The following FAM227A variants were observed in gnomAD, a reference collection of about 807,000 sequenced individuals.
FAM227A encodes protein FAM227A.
Under a neutral mutation model 74.7 loss-of-function variants are expected in FAM227A, and 80 were observed. The observed-to-expected ratio is 1.07, with a 90% CI of 0.89 to 1.29. The LOEUF is 1.29. FAM227A is among the 50% of genes most tolerant of loss of function. The pLI is 0.00. For missense variants in FAM227A, 654 were observed against 683.4 expected (o/e 0.96, Z 0.48); for synonymous variants, 237 against 241.8 (o/e 0.98, Z 0.19).
rs1474785388 is a variant in FAM227A, at chr22:38,623,192, T to C, written c.938A>G (p.Tyr313Cys). The C allele has an allele frequency of 3.2e-6, 5 of 1,551,420 alleles. No homozygotes were observed. Among genetic ancestry groups the C allele is most frequent in the Non-Finnish European group, 3.5e-6 (4 of 1,146,700 alleles). The change falls in exon 10 of 17, where the codon TAC becomes TGC. Residue 313 changes from tyrosine to cysteine, a missense_variant. By Grantham distance (194) the Tyr-to-Cys change is radical. Transcript: ENST00000535113. ...CTTACCCTTTGTCAGTCTTCTTCTG[T>C]ACAACATTAATTCTTCTCTGCGGAA... ...ERFRREELML[Y>C]RRRLTKGREF...
intron 16 of FAM227A, among the ~76,000 whole-genome samples, chr22:38,588,379 G>A (rs1379691672): frequency 6.6e-6 from 1 of 152,048 alleles, no homozygotes; most frequent in African/African-American, 2.4e-5. Context: ...AGGACTTTGG[G>A]GGGCCGAGGT....
intron 11 of FAM227A, among the ~76,000 whole-genome samples, chr22:38,608,767 C>A (rs915290583): frequency 4.9e-5 from 7 of 144,208 alleles, no homozygotes; most frequent in Non-Finnish European, 9.1e-5. Flanking sequence ...TTCCAGCTTT[C>A]ATAAGATAAA....
chr22:38,641,829 A>C (rs531409046), intron 3 of FAM227A, among the ~76,000 whole-genome samples: 2 of 152,234 alleles, frequency 1.3e-5, no homozygotes, highest in African/African-American at 4.8e-5. Context: ...GACATTGCCA[A>C]AACCCAAAAT....
intron 5 of FAM227A, among the ~76,000 whole-genome samples, chr22:38,637,701 C>T (rs1486784729): frequency 6.6e-6 from 1 of 152,252 alleles, no homozygotes; most frequent in Non-Finnish European, 1.5e-5. Flanking sequence ...CTTAGCTCAG[C>T]CACCATCAAT....
intron 11 of FAM227A, among the ~76,000 whole-genome samples, chr22:38,613,219 G>A (rs1569207074): frequency 1.7e-4 from 8 of 47,488 alleles, no homozygotes; most frequent in African/African-American, 7.1e-4. Context: ...TATCTATGCT[G>A]TATATATATT....
chr22:38,580,243 T>C lies in FAM227A; in HGVS notation c.*5882A>G, dbSNP rs971539541. ...CAACCGATGTCCTCTTTTAAGTCTC[T>C]TTTAATCTATATATTCCCCCTCTCT... On this transcript the variant is annotated 3_prime_UTR_variant, in exon 17 of 17. Coordinates refer to ENST00000535113, the MANE Select transcript of FAM227A (RefSeq NM_001013647.2). 1.3e-5 allele frequency: 2 copies of C among 152,200 alleles called. No homozygotes were observed. The highest frequency in any genetic ancestry group is 2.9e-5 in the Non-Finnish European group (2 of 68,048). The allele number at this position is 152,200 out of a possible 1,614,324, so 9.4% of individuals were successfully genotyped here. A position where few individuals can be genotyped will look rare whatever the true frequency, so the allele number is the denominator to read the frequency against.
chr22:38,627,299 G>A (rs2091829708), intron 8 of FAM227A, among the ~76,000 whole-genome samples: 1 of 152,024 alleles, frequency 6.6e-6, no homozygotes, highest in African/African-American at 2.4e-5. Flanking sequence ...CGGGCGCAGT[G>A]GCTCATGCCT....
intron 11 of FAM227A, among the ~76,000 whole-genome samples, chr22:38,615,969 T>C (rs1480416533): frequency 6.6e-6 from 1 of 152,012 alleles, no homozygotes; most frequent in Non-Finnish European, 1.5e-5. Flanking sequence ...GATAGACAAG[T>C]ACGAGTTCCG....
At chr22:38,644,420 GCA>G (rs1225838556) in intron 3 of FAM227A, among the ~76,000 whole-genome samples, 1 of 146,286 alleles carries the variant, frequency 6.8e-6, no homozygotes, top group African/African-American at 2.5e-5. Context: ...AACAGGTGGA[GCA>G]CAGAGGACTG....
rs1168165699 is a variant in FAM227A at position 38,580,792 on chromosome 22, T to C, written c.*5333A>G. On this transcript the variant is annotated 3_prime_UTR_variant, in exon 17 of 17. Coordinates refer to ENST00000535113, the MANE Select transcript of FAM227A (RefSeq NM_001013647.2). ...TTTCCTCCTTTCCCCTTTCCTTTTT[T>C]ATCTTTGAGACAGTCTCACTCCATC... 2 of 152,178 alleles carry C rather than the reference T, an allele frequency of 1.3e-5. No individual in the cohort carries two copies. The highest frequency in any genetic ancestry group is 2.4e-5 in the African/African-American group (1 of 41,446). The allele number at this position is 152,178 out of a possible 1,614,324, so 9.4% of individuals were successfully genotyped here. A position where few individuals can be genotyped will look rare whatever the true frequency, so the allele number is the denominator to read the frequency against.
chr22:38,646,497 C>T (rs933327371), intron 2 of FAM227A, among the ~76,000 whole-genome samples: 3 of 150,174 alleles, frequency 2.0e-5, no homozygotes, highest in East Asian at 2.0e-4. Context: ...CTCCTGACCT[C>T]GTGATCCGCC....
In FAM227A at chr22:38,631,163, TACTC is replaced by T. The variant is rs369032214; in HGVS notation, c.520-2232_520-2229del. 6.2e-4 allele frequency among the ~76,000 whole-genome samples: 95 copies of T among 152,118 alleles called. 1 individual carries two copies. The highest frequency in any genetic ancestry group is 2.0e-3 in the African/African-American group (85 of 41,514). ...AGCCTGGGCGACAGAGCGAGTGTCT[TACTC>T]AAAAAAACAAAACAAAACAAAAACT... is the stretch of plus-strand genomic sequence containing the variant. On this transcript the variant is annotated intron_variant, in intron 6 of 16. Transcript: ENST00000535113.
Position 38,582,299 on chromosome 22 carries a change from T to C in FAM227A, c.*3826A>G, listed in dbSNP as rs1427059534. 2 of 1,517,472 alleles carry C rather than the reference T, an allele frequency of 1.3e-6. No individual in the cohort carries two copies. Among genetic ancestry groups the C allele is most frequent in the Middle Eastern group, 1.7e-4 (1 of 5,728 alleles). 94.0% of individuals were successfully genotyped at this position (1,517,472 alleles called of 1,614,324 possible). The stretch of plus-strand genomic sequence containing the variant: ...AAACATACATTTCATCATCAATTCA[T>C]AAGCAATTCAAAATCAGGACTATAG... On this transcript the variant is annotated 3_prime_UTR_variant, in exon 17 of 17. Transcript: ENST00000535113.
At chr22:38,630,702 C>A (rs183581044) in intron 6 of FAM227A, among the ~76,000 whole-genome samples, 4 of 152,136 alleles carry the variant, frequency 2.6e-5, no homozygotes, top group African/African-American at 9.7e-5. Flanking sequence ...TATTGAGCAC[C>A]TCCAGGTGCT....
rs1046363542 is a variant in FAM227A at position 38,581,221 on chromosome 22, T to C, written c.*4904A>G. On this transcript the variant is annotated 3_prime_UTR_variant, in exon 17 of 17. Coordinates refer to ENST00000535113, the MANE Select transcript of FAM227A (RefSeq NM_001013647.2). The stretch of plus-strand genomic sequence containing the variant: ...TTGTCTCTAAGTTTGCTCCCAAGTC[T>C]TTCTGACAGGATCCTTGTCTTTGAT... The C allele has an allele frequency of 6.6e-6, 1 of 152,236 alleles. No homozygotes were observed. The highest frequency in any genetic ancestry group is 2.1e-4 in the South Asian group (1 of 4,832). 9.4% of individuals were successfully genotyped at this position (152,236 alleles called of 1,614,324 possible). A position where few individuals can be genotyped will look rare whatever the true frequency, so the allele number is the denominator to read the frequency against.
At chr22:38,647,644 C>CT (rs1425920735) in intron 2 of FAM227A, among the ~76,000 whole-genome samples, 3 of 152,074 alleles carry the variant, frequency 2.0e-5, no homozygotes, top group African/African-American at 7.2e-5. Context: ...GCCCCTCTTC[C>CT]TACCCTCTCA....
intron 6 of FAM227A, among the ~76,000 whole-genome samples, chr22:38,632,651 A>G (rs2091936639): frequency 6.6e-6 from 1 of 152,168 alleles, no homozygotes; most frequent in African/African-American, 2.4e-5. Flanking sequence ...GACGACAGAG[A>G]GTAGAAGGGA....
intron 9 of FAM227A, 145 bp from the exon 10 acceptor site, chr22:38,623,424 A>G: frequency 1.8e-6 from 1 of 566,724 alleles, no homozygotes; most frequent in Non-Finnish European, 3.2e-6. Flanking sequence ...TCTCTATTTA[A>G]AAAGAAATTA....
Position 38,582,561 on chromosome 22 carries a change from A to G in FAM227A, c.*3564T>C. 2 of 884,834 alleles carry G rather than the reference A, an allele frequency of 2.3e-6. No homozygotes were observed. The highest frequency in any genetic ancestry group is 1.8e-5 in the South Asian group (1 of 56,630). The allele number at this position is 884,834 out of a possible 1,614,324, so 54.8% of individuals were successfully genotyped here. A position where few individuals can be genotyped will look rare whatever the true frequency, so the allele number is the denominator to read the frequency against. On this transcript the variant is annotated 3_prime_UTR_variant, in exon 17 of 17. Coordinates refer to ENST00000535113, the MANE Select transcript of FAM227A (RefSeq NM_001013647.2). ...CATAATTTTCCCTTCTAATGTTTAC[A>G]AAGGGCAGAGACAGGTTTCTTCATA...
Sources: gnomAD v4.1 joint callset for allele counts (sites outside exome capture counted in the v4.1 genomes callset) on GRCh38, gnomAD v4.1.1 for gene constraint, MANE v1.5 for transcripts, NCBI Gene and HGNC (gene_info 2026-07-23, HGNC 2026-07-21) for gene names.